The following CCDC146 variants were observed in gnomAD, a reference collection of about 807,000 sequenced individuals.
CCDC146 encodes the protein coiled-coil domain containing 146.
In CCDC146, 92 loss-of-function variants were observed where a neutral mutation model predicts 119.3. The ratio of observed to expected loss-of-function variants is 0.77; its 90% CI spans 0.65 to 0.92. The LOEUF is 0.92. Ranked by LOEUF, CCDC146 falls within the 40% of genes least tolerant of loss-of-function variation. CCDC146 has a pLI of 0.00. For missense variants in CCDC146, 1,000 were observed against 1,103.0 expected, an observed-to-expected ratio of 0.91 and a Z score of 1.32; for synonymous variants, 372 against 371.8, an observed-to-expected ratio of 1.00 and a Z score of -0.01.
chr7:77,198,907 C>T, intron 2 of CCDC146: 2 of 475,288 alleles, frequency 4.2e-6, no homozygotes, highest in Non-Finnish European at 3.7e-6. Context: ...GAAATTCTCT[C>T]TACTTCTGCT....
At chr7:77,124,758 G>GA (rs1218731832) in intron 1 of CCDC146, among the ~76,000 whole-genome samples, 1 of 152,186 alleles carries the variant, frequency 6.6e-6, no homozygotes, top group Non-Finnish European at 1.5e-5. Context: ...AAAATTTTTA[G>GA]AGTTCAATTC....
intron 2 of CCDC146, chr7:77,194,500 A>G (rs1791828954): frequency 6.6e-6 from 1 of 152,074 alleles, no homozygotes; most frequent in South Asian, 2.1e-4. Context: ...TTTGTGATAT[A>G]TCATGTTTAA....
intron 4 of CCDC146, among the ~76,000 whole-genome samples, chr7:77,254,291 G>C (rs6979906): frequency 0.057 from 8,715 of 152,216 alleles, 675 homozygotes; most frequent in African/African-American, 0.18. Flanking sequence ...ACTCCTCTAA[G>C]TGGGTTGTGT....
intron 16 of CCDC146, 196 bp from the exon 17 acceptor site, chr7:77,287,244 A>T: frequency 1.6e-6 from 1 of 612,550 alleles, no homozygotes; most frequent in East Asian, 2.8e-5. Context: ...TGGATGTTAG[A>T]TAGAGCTGAG....
intron 1 of CCDC146, among the ~76,000 whole-genome samples, chr7:77,127,126 C>T (rs192404375): frequency 0.022 from 3,283 of 152,198 alleles, 146 homozygotes; most frequent in African/African-American, 0.074. Context: ...GCCTGGGTCC[C>T]GTGGGTGAGA....
intron 9 of CCDC146, among the ~76,000 whole-genome samples, chr7:77,270,970 C>A (rs945797516): frequency 2.7e-5 from 4 of 150,084 alleles, no homozygotes; most frequent in African/African-American, 9.8e-5. Context: ...CTTCCACTTA[C>A]ATTTCATTGG....
At chr7:77,245,004 G>C (rs569487437) in intron 4 of CCDC146, among the ~76,000 whole-genome samples, 1 of 152,254 alleles carries the variant, frequency 6.6e-6, no homozygotes, top group African/African-American at 2.4e-5. Context: ...TGAATCATTG[G>C]CAACTACTAA....
intron 1 of CCDC146, among the ~76,000 whole-genome samples, chr7:77,131,146 G>C (rs1432816001): frequency 6.6e-6 from 1 of 151,996 alleles, no homozygotes; most frequent in African/African-American, 2.4e-5. Context: ...GCTTCCCAAG[G>C]CTGGGATTAC....
At chr7:77,199,979 T>C in intron 2 of CCDC146, 1 of 574,982 alleles carries the variant, frequency 1.7e-6, no homozygotes, top group Non-Finnish European at 3.0e-6. Flanking sequence ...AACTGTAACT[T>C]ACTCTCAATA....
At chr7:77,157,947 G>A (rs559720047) in intron 1 of CCDC146, among the ~76,000 whole-genome samples, 2 of 152,270 alleles carry the variant, frequency 1.3e-5, no homozygotes, top group Non-Finnish European at 2.9e-5. Flanking sequence ...ATAGCACAGT[G>A]GCTGGGTCCC....
chr7:77,142,875 A>C (rs1040663807), intron 1 of CCDC146, among the ~76,000 whole-genome samples: 1 of 151,764 alleles, frequency 6.6e-6, no homozygotes, highest in Admixed American at 6.6e-5. Flanking sequence ...CAATAAACAT[A>C]TGTGTGCATG....
At chr7:77,285,564 G>A (rs934270916) in intron 15 of CCDC146, among the ~76,000 whole-genome samples, 9 of 152,114 alleles carry the variant, frequency 5.9e-5, no homozygotes, top group African/African-American at 2.2e-4. Context: ...CAACCCCATG[G>A]CACTGAGCCT....
intron 2 of CCDC146, among the ~76,000 whole-genome samples, chr7:77,227,895 C>T (rs1792545552): frequency 6.6e-6 from 1 of 152,184 alleles, no homozygotes; most frequent in African/African-American, 2.4e-5. Context: ...CAGAGCACAT[C>T]ATTTTAACAT....
At chr7:77,200,558 C>T (rs1791968955) in intron 2 of CCDC146, among the ~76,000 whole-genome samples, 1 of 152,204 alleles carries the variant, frequency 6.6e-6, no homozygotes, top group African/African-American at 2.4e-5. Context: ...TGTCATCTTC[C>T]ACAGCTGCTC....
chr7:77,228,948 G>A (rs1792569902), intron 2 of CCDC146, among the ~76,000 whole-genome samples: 1 of 152,178 alleles, frequency 6.6e-6, no homozygotes, highest in South Asian at 2.1e-4. Context: ...CATCACCTAG[G>A]TATTAAGCCC....
At position 77,169,310 on chromosome 7, in the gene CCDC146, G is replaced by T. The variant is rs538667600; in HGVS notation, c.156+1486G>T. On this transcript the variant is annotated intron_variant, in intron 2 of 18. Coordinates refer to ENST00000285871, the MANE Select transcript of CCDC146 (RefSeq NM_020879.3). ...TTGCCTTGTCCCATTTGCTAGACTTGTTCATCTTGATCACTTGGTTAAGGT... is the reference window on the plus strand; with the variant it reads ...TTGCCTTGTCCCATTTGCTAGACTTTTTCATCTTGATCACTTGGTTAAGGT... Among the ~76,000 whole-genome samples the T allele has an allele frequency of 9.9e-4, 151 of 152,140 alleles. 1 individual carries two copies. The highest frequency in any genetic ancestry group is 3.5e-3 in the African/African-American group (144 of 41,498).
In CCDC146 at chr7:77,260,161, A is replaced by G; in HGVS notation, c.911A>G (p.Lys304Arg). 4 of 1,614,168 alleles carry G rather than the reference A, an allele frequency of 2.5e-6. No individual in the cohort carries two copies. The highest frequency in any genetic ancestry group is 1.3e-5 in the African/African-American group (1 of 75,040). Residue 304 changes from lysine to arginine, a missense_variant, in exon 8 of 19, where the codon AAA (lysine) becomes AGA (arginine). Transcript: ENST00000285871. ...VEGKRALLEI[K>R]EREHNQLVKL... The stretch of plus-strand genomic sequence containing the variant: ...GGCAAACGAGCCTTACTTGAAATCA[A>G]AGAACGAGAACATAACCAATTGGTC...
chr7:77,168,996 T>C (rs1245211722), intron 2 of CCDC146, among the ~76,000 whole-genome samples: 1 of 152,114 alleles, frequency 6.6e-6, no homozygotes, highest in Non-Finnish European at 1.5e-5. Flanking sequence ...TATTCGGGTC[T>C]TGCCAGTTGT....
chr7:77,220,635 A>G (rs982214370), intron 2 of CCDC146, among the ~76,000 whole-genome samples: 3 of 152,216 alleles, frequency 2.0e-5, no homozygotes, highest in Non-Finnish European at 4.4e-5. Flanking sequence ...GCAACACTTT[A>G]TAATACCCAT....
Sources: gnomAD v4.1 joint callset for allele counts (sites outside exome capture counted in the v4.1 genomes callset) on GRCh38, gnomAD v4.1.1 for gene constraint, MANE v1.5 for transcripts, NCBI Gene and HGNC (gene_info 2026-07-23, HGNC 2026-07-21) for gene names.